The following ARGFX variants were observed in gnomAD, a reference collection of about 807,000 sequenced individuals.
ARGFX encodes the protein arginine-fifty homeobox.
A neutral mutation model predicts 8.0 loss-of-function variants in ARGFX; 10 were observed. That is an observed-to-expected ratio of 1.25 (90% CI 0.77 to 2.12). The LOEUF (loss-of-function observed/expected upper bound fraction) is 2.12, where lower values mean the gene tolerates loss of function less well. ARGFX is among the 30% of genes most tolerant of loss of function. ARGFX has a pLI of 0.00. For missense variants in ARGFX, 282 were observed against 324.3 expected (o/e 0.87, Z 1.00); for synonymous variants, 116 against 117.8 (o/e 0.98, Z 0.10).
rs79657977 is a variant in ARGFX at position 121,586,515 on chromosome 3, C to T, written c.863C>T (p.Thr288Ile). Residue 288 changes from threonine to isoleucine, a missense_variant, in exon 5 of 5, where the codon ACA (threonine) becomes ATA (isoleucine). By Grantham distance (89) the Thr-to-Ile change is moderately conservative. Coordinates refer to ENST00000334384, the MANE Select transcript of ARGFX (RefSeq NM_001012659.2). ...CCTGCACAAACCTGGCCCAATATGACAAGCCAAGCCTTTGAAGCCTACAGT... is the reference window on the plus strand; with the variant it reads ...CCTGCACAAACCTGGCCCAATATGATAAGCCAAGCCTTTGAAGCCTACAGT... ...LSPAQTWPNM[T>I]SQAFEAYSLT... The T allele has an allele frequency of 1.3e-4, 207 of 1,614,054 alleles. No homozygotes were observed. The highest frequency in any genetic ancestry group is 1.7e-4 in the Non-Finnish European group (196 of 1,180,044).
chr3:121,574,332 T>C (rs1412998398), intron 2 of ARGFX, among the ~76,000 whole-genome samples: 1 of 152,214 alleles, frequency 6.6e-6, no homozygotes, highest in Non-Finnish European at 1.5e-5. Context: ...GACATTACAT[T>C]TATTGCACAT....
intron 3 of ARGFX, among the ~76,000 whole-genome samples, chr3:121,581,702 A>G (rs1560121758): frequency 6.6e-6 from 1 of 152,026 alleles, no homozygotes; most frequent in Non-Finnish European, 1.5e-5. Flanking sequence ...GGGGTTTGAG[A>G]CCAGCCTGGA....
intron 2 of ARGFX, among the ~76,000 whole-genome samples, chr3:121,574,343 T>C (rs2048724593): frequency 6.6e-6 from 1 of 152,118 alleles, no homozygotes; most frequent in Non-Finnish European, 1.5e-5. Flanking sequence ...TATTGCACAT[T>C]TTATTTCTAT....
At chr3:121,572,264 G>A (rs1354879321) in intron 2 of ARGFX, among the ~76,000 whole-genome samples, 7 of 136,376 alleles carry the variant, frequency 5.1e-5, no homozygotes, top group East Asian at 2.2e-4. Flanking sequence ...TTTTAAAGAC[G>A]GAGTTTCGCT....
rs1560120204 is a variant in ARGFX at position 121,576,830 on chromosome 3, T to C, written c.150T>C (p.Ala50=). Residue 50 remains alanine (A), a synonymous_variant, in exon 3 of 5, where the codon GCT becomes GCC. Coordinates refer to ENST00000334384, the MANE Select transcript of ARGFX (RefSeq NM_001012659.2). ...TGGAGTGCAGTGGCACGGTCTCGGCTTACTGCAGCCTCAACCTCCCAGGTT... is the reference window on the plus strand; with the variant it reads ...TGGAGTGCAGTGGCACGGTCTCGGCCTACTGCAGCCTCAACCTCCCAGGTT... The part of the protein sequence containing the change: ...SKLECSGTVS[A]YCSLNLPGST... 2 of 418,896 alleles carry C rather than the reference T, an allele frequency of 4.8e-6. No individual in the cohort carries two copies. The highest frequency in any genetic ancestry group is 9.4e-6 in the Non-Finnish European group (2 of 213,620). The allele number at this position is 418,896 out of a possible 1,614,324, so 25.9% of individuals were successfully genotyped here. A position where few individuals can be genotyped will look rare whatever the true frequency, so the allele number is the denominator to read the frequency against.
intron 3 of ARGFX, among the ~76,000 whole-genome samples, chr3:121,580,644 G>A (rs1052623977): frequency 8.4e-5 from 10 of 118,448 alleles, no homozygotes; most frequent in African/African-American, 2.5e-4. Flanking sequence ...TCACTTTTTC[G>A]CCCAGGTTGG....
At chr3:121,581,099 C>G (rs1189355515) in intron 3 of ARGFX, among the ~76,000 whole-genome samples, 3 of 152,044 alleles carry the variant, frequency 2.0e-5, no homozygotes, top group Non-Finnish European at 2.9e-5. Context: ...CCTCAAGTAG[C>G]TGGGCTTACA....
At chr3:121,584,265 A>G (rs146036627) in intron 3 of ARGFX, among the ~76,000 whole-genome samples, 5 of 150,766 alleles carry the variant, frequency 3.3e-5, no homozygotes, top group African/African-American at 9.8e-5. Context: ...GAAGGAAGGA[A>G]GGAAAGAAAA....
rs1252992928 is a variant in ARGFX at position 121,589,225 on chromosome 3, C to A, written c.*2625C>A. Among the ~76,000 whole-genome samples, 1 of 151,826 alleles carries A rather than the reference C, an allele frequency of 6.6e-6. No individual in the cohort carries two copies. Among genetic ancestry groups the A allele is most frequent in the Non-Finnish European group, 1.5e-5 (1 of 67,954 alleles). Reference sequence around the variant, plus strand: ...GAGTAAAATTGGAAAACACTTTTAACTGAAAAAAACAAAAGCACAACAAAC... The same window carrying A: ...GAGTAAAATTGGAAAACACTTTTAAATGAAAAAAACAAAAGCACAACAAAC... On this transcript the variant is annotated 3_prime_UTR_variant, in exon 5 of 5. Coordinates refer to ENST00000334384, the MANE Select transcript of ARGFX (RefSeq NM_001012659.2).
intron 2 of ARGFX, among the ~76,000 whole-genome samples, chr3:121,571,884 A>C (rs1459657806): frequency 6.6e-6 from 1 of 151,552 alleles, no homozygotes; most frequent in Non-Finnish European, 1.5e-5. Flanking sequence ...GCTGGAGTGC[A>C]ATGGTGCGAT....
intron 2 of ARGFX, among the ~76,000 whole-genome samples, chr3:121,574,316 T>A (rs1161791818): frequency 6.6e-6 from 1 of 152,154 alleles, no homozygotes; most frequent in African/African-American, 2.4e-5. Flanking sequence ...TTTGGGATGA[T>A]CCAAGGACAT....
At chr3:121,568,556 C>T (rs2108832814) in intron 1 of ARGFX, among the ~76,000 whole-genome samples, 1 of 152,318 alleles carries the variant, frequency 6.6e-6, no homozygotes, top group South Asian at 2.1e-4. Context: ...TCTCAATGCC[C>T]ATCCCAGGAA....
intron 1 of ARGFX, among the ~76,000 whole-genome samples, 87 bp downstream of exon 1, chr3:121,568,100 A>G (rs2048683857): frequency 6.6e-6 from 1 of 152,174 alleles, no homozygotes; most frequent in Admixed American, 6.6e-5. Flanking sequence ...AGCAATATTA[A>G]AGGATGCAAA....
At chr3:121,577,259 A>ATATATATT (rs1403064031) in intron 3 of ARGFX, among the ~76,000 whole-genome samples, 353 of 59,418 alleles carry the variant, frequency 5.9e-3, no homozygotes, top group Non-Finnish European at 7.1e-3. Flanking sequence ...ATATATATAT[A>ATATATATT]TTTTTTTTTT....
chr3:121,577,201 GTATA>G (rs57336438), intron 3 of ARGFX, among the ~76,000 whole-genome samples: 3 of 110,172 alleles, frequency 2.7e-5, no homozygotes, highest in Admixed American at 9.2e-5. Context: ...ATGTGTGTAT[GTATA>G]TATATATATA....
chr3:121,573,667 G>A (rs1235399706), intron 2 of ARGFX, among the ~76,000 whole-genome samples: 3 of 151,614 alleles, frequency 2.0e-5, no homozygotes, highest in African/African-American at 7.3e-5. Flanking sequence ...TGACCAACAT[G>A]GAGAAACCCT....
chr3:121,579,104 A>G (rs1471540669), intron 3 of ARGFX, among the ~76,000 whole-genome samples: 1 of 152,244 alleles, frequency 6.6e-6, no homozygotes. Flanking sequence ...GAAATAGATC[A>G]AAGTTTTCAG....
intron 2 of ARGFX, 50 bp downstream of exon 2, chr3:121,570,866 C>A: frequency 7.9e-7 from 1 of 1,269,178 alleles, no homozygotes; most frequent in Non-Finnish European, 1.1e-6. Context: ...GCCCCATTCT[C>A]ATGCAGCCCT....
chr3:121,582,128 ATTT>A (rs1300531117), intron 3 of ARGFX, among the ~76,000 whole-genome samples: 1 of 152,126 alleles, frequency 6.6e-6, no homozygotes, highest in Non-Finnish European at 1.5e-5. Flanking sequence ...GTAAATTGTT[ATTT>A]TTAAACAATT....
Sources: gnomAD v4.1 joint callset for allele counts (sites outside exome capture counted in the v4.1 genomes callset) on GRCh38, gnomAD v4.1.1 for gene constraint, MANE v1.5 for transcripts, NCBI Gene and HGNC (gene_info 2026-07-23, HGNC 2026-07-21) for gene names.